The following TMIGD1 variants were observed in gnomAD, a reference collection of about 807,000 sequenced individuals.
TMIGD1 encodes transmembrane and immunoglobulin domain-containing protein 1.
Under a neutral mutation model 27.5 loss-of-function variants are expected in TMIGD1, and 29 were observed. That is an observed-to-expected ratio of 1.05 (90% CI 0.78 to 1.44). The LOEUF is 1.44. TMIGD1 is among the 40% of genes most tolerant of loss of function. The probability of loss-of-function intolerance (pLI) is 0.00; values close to 1 mark genes in which losing one functional copy is unlikely to be tolerated. For missense variants in TMIGD1, 334 were observed against 310.6 expected (o/e 1.08, Z -0.57); for synonymous variants, 109 against 110.3 (o/e 0.99, Z 0.07).
intron 1 of TMIGD1, among the ~76,000 whole-genome samples, chr17:30,333,419 C>A (rs973640057): frequency 6.6e-6 from 1 of 151,276 alleles, no homozygotes; most frequent in African/African-American, 2.4e-5. Context: ...CCAGCCTGGG[C>A]GACAGAGTGA....
chr17:30,318,703 T>A (rs573786402), intron 5 of TMIGD1, 107 bp downstream of exon 5: 3 of 713,246 alleles, frequency 4.2e-6, no homozygotes, highest in East Asian at 2.6e-5. Flanking sequence ...AAGACCAGAT[T>A]TGACTTTGCC....
intron 2 of TMIGD1, among the ~76,000 whole-genome samples, chr17:30,330,292 AAGAC>A: frequency 6.6e-6 from 1 of 152,000 alleles, no homozygotes. Flanking sequence ...TCATGGAAAA[AAGAC>A]AGGAAAAAAC....
chr17:30,318,769 A>G (rs375853601), intron 5 of TMIGD1, 41 bp downstream of exon 5: 94 of 1,469,942 alleles, frequency 6.4e-5, no homozygotes, highest in Non-Finnish European at 8.0e-5. Context: ...CTTTATTCAG[A>G]TGATGGCTTT....
chr17:30,325,342 A>G (rs1020069410), intron 3 of TMIGD1, among the ~76,000 whole-genome samples: 1 of 152,218 alleles, frequency 6.6e-6, no homozygotes, highest in Non-Finnish European at 1.5e-5. Context: ...AGCATGATAT[A>G]TATAGTAATG....
At chr17:30,322,568 C>T (rs187302234) in intron 4 of TMIGD1, among the ~76,000 whole-genome samples, 2 of 152,234 alleles carry the variant, frequency 1.3e-5, no homozygotes, top group South Asian at 2.1e-4. Context: ...GGTGCGATCT[C>T]GGCTCACTGC....
intron 4 of TMIGD1, among the ~76,000 whole-genome samples, chr17:30,319,376 G>T (rs1165496487): frequency 7.0e-6 from 1 of 142,336 alleles, no homozygotes; most frequent in Non-Finnish European, 1.5e-5. Context: ...AGTGAGCCAG[G>T]GTCGCGCTAC....
At chr17:30,319,973 G>A (rs893300856) in intron 4 of TMIGD1, among the ~76,000 whole-genome samples, 1 of 152,028 alleles carries the variant, frequency 6.6e-6, no homozygotes, top group African/African-American at 2.4e-5. Flanking sequence ...GAGATCAGCA[G>A]CAACCATGAC....
At chr17:30,320,723 G>A (rs571080216) in intron 4 of TMIGD1, among the ~76,000 whole-genome samples, 4 of 152,280 alleles carry the variant, frequency 2.6e-5, no homozygotes, top group East Asian at 1.9e-4. Context: ...GCCAGGCAGC[G>A]TGGCATATCC....
chr17:30,321,792 C>T (rs995442253), intron 4 of TMIGD1, among the ~76,000 whole-genome samples: 1 of 152,076 alleles, frequency 6.6e-6, no homozygotes, highest in South Asian at 2.1e-4. Flanking sequence ...GGTTTATCTC[C>T]CCTGTCCCCA....
chr17:30,326,741 C>T (rs1909789119), intron 3 of TMIGD1, among the ~76,000 whole-genome samples: 1 of 152,120 alleles, frequency 6.6e-6, no homozygotes, highest in African/African-American at 2.4e-5. Context: ...ACGTTAACAT[C>T]TAGAAGGAGA....
At chr17:30,321,187 A>T in intron 4 of TMIGD1, among the ~76,000 whole-genome samples, 1 of 145,778 alleles carries the variant, frequency 6.9e-6, no homozygotes. Flanking sequence ...TTAGAGATGG[A>T]GCCTGGGTAT....
At position 30,324,835 on chromosome 17, in the gene TMIGD1, G is replaced by A; in HGVS notation, c.621C>T (p.Asp207=). 1 of 1,614,106 alleles carries A rather than the reference G, an allele frequency of 6.2e-7. No individual in the cohort carries two copies. The highest frequency in any genetic ancestry group is 8.5e-7 in the Non-Finnish European group (1 of 1,179,946). The change falls in exon 4 of 7, where the codon GAC becomes GAT. Residue 207 remains aspartate (D), a synonymous_variant. Coordinates refer to ENST00000328886, the MANE Select transcript of TMIGD1 (RefSeq NM_206832.3). ...AKSSLKTESL[D]FHLIVKDKTV... ...CATTACCTTTAACAATCAGGTGAAA[G>A]TCCAAGCTCTCCGTTTTCAGAGATG...
intron 4 of TMIGD1, among the ~76,000 whole-genome samples, chr17:30,323,044 G>A (rs567543538): frequency 1.4e-4 from 21 of 151,684 alleles, no homozygotes; most frequent in Non-Finnish European, 2.7e-4. Context: ...CTGATGGCAC[G>A]CACCTGTCCC....
chr17:30,319,264 AT>A (rs1419921806), intron 4 of TMIGD1, among the ~76,000 whole-genome samples: 19 of 113,982 alleles, frequency 1.7e-4, no homozygotes, highest in African/African-American at 8.2e-4. Flanking sequence ...AAAAAAAAAT[AT>A]ATATATATAT....
chr17:30,317,315 G>A, intron 5 of TMIGD1, 82 bp from the exon 6 acceptor site: 4 of 1,508,286 alleles, frequency 2.7e-6, no homozygotes, highest in Non-Finnish European at 3.7e-6. Flanking sequence ...ATGGCTCGAG[G>A]ACAGGTGTGT....
chr17:30,321,046 CAG>C (rs1480018674), intron 4 of TMIGD1, among the ~76,000 whole-genome samples: 4 of 152,054 alleles, frequency 2.6e-5, no homozygotes, highest in Admixed American at 2.6e-4. Flanking sequence ...TAGGTAGAGA[CAG>C]TGTTTCGCCA....
At chr17:30,323,178 T>A (rs888392985) in intron 4 of TMIGD1, among the ~76,000 whole-genome samples, 1 of 151,782 alleles carries the variant, frequency 6.6e-6, no homozygotes, top group African/African-American at 2.4e-5. Flanking sequence ...TCCAAAAAAA[T>A]AAAAGAAAAA....
chr17:30,316,864 G>A, intron 6 of TMIGD1, 174 bp from the exon 7 acceptor site: 1 of 673,470 alleles, frequency 1.5e-6, no homozygotes, highest in Non-Finnish European at 2.6e-6. Flanking sequence ...GGGGATGAAT[G>A]TGGTTCCTGG....
At chr17:30,324,240 A>G (rs150969365) in intron 4 of TMIGD1, among the ~76,000 whole-genome samples, 3 of 152,318 alleles carry the variant, frequency 2.0e-5, no homozygotes, top group Non-Finnish European at 4.4e-5. Context: ...TGAGCAAGAA[A>G]TATGAGGAGG....
Sources: allele counts gnomAD v4.1 joint callset (sites outside exome capture counted in the v4.1 genomes callset), GRCh38; gene constraint gnomAD v4.1.1; transcripts MANE v1.5; gene names NCBI Gene and HGNC (gene_info 2026-07-23, HGNC 2026-07-21).